MKRN1: variants seen among roughly 807,000 people sequenced by gnomAD.
MKRN1 encodes the protein E3 ubiquitin-protein ligase makorin-1.
MKRN1 carries 9 observed loss-of-function variants against 55.5 expected under a neutral mutation model. The observed-to-expected ratio is 0.16, with a 90% CI of 0.10 to 0.28. The LOEUF (loss-of-function observed/expected upper bound fraction) is 0.28. MKRN1 is among the 10% of genes least tolerant of loss of function. MKRN1 has a pLI of 1.00. For synonymous variants in MKRN1, 253 were observed against 235.9 expected (o/e 1.07, Z -0.66); for missense variants, 488 against 626.7 (o/e 0.78, Z 2.36).
At chr7:140,462,381 CAT>C (rs1211299777) in intron 2 of MKRN1, among the ~76,000 whole-genome samples, 1 of 152,146 alleles carries the variant, frequency 6.6e-6, no homozygotes, top group Admixed American at 6.6e-5. Context: ...AACTGTGCTA[CAT>C]AATTTATAGT....
chr7:140,478,715 G>A (rs1336804294), intron 1 of MKRN1: 2 of 153,380 alleles, frequency 1.3e-5, no homozygotes, highest in African/African-American at 4.8e-5. Flanking sequence ...GGCCCTCGGC[G>A]GGGTGTCTAG....
chr7:140,456,948 A>G (rs779286510), intron 4 of MKRN1, 82 bp from the exon 5 acceptor site: 3 of 1,336,644 alleles, frequency 2.2e-6, no homozygotes, highest in Middle Eastern at 1.8e-4. Context: ...ATTCACAGTC[A>G]AAGAATCAAA....
In MKRN1 at chr7:140,454,419, G is replaced by A. The variant is rs1398086139; in HGVS notation, c.*98C>T. ...TTCTTAGGACAGCACCTGGAGTTGA[G>A]AGGCCTGCCTAGGAGAGAACACAGG... On this transcript the variant is annotated 3_prime_UTR_variant, in exon 8 of 8. Transcript: ENST00000255977. The A allele has an allele frequency of 1.0e-5, 12 of 1,197,984 alleles. No homozygotes were observed. The East Asian group carries it at 2.8e-4, about 28-fold the overall frequency. The allele number at this position is 1,197,984 out of a possible 1,614,324, so 74.2% of individuals were successfully genotyped here.
At chr7:140,456,113 CTTTTT>C in intron 5 of MKRN1, 1 of 845,230 alleles carries the variant, frequency 1.2e-6, no homozygotes, top group Non-Finnish European at 1.5e-6. Context: ...CTAGCCAGTT[CTTTTT>C]TTTTTTTTTT....
rs1563084298 is a variant in MKRN1, at chr7:140,453,667, A to G, written c.*850T>C. On this transcript the variant is annotated 3_prime_UTR_variant, in exon 8 of 8. Coordinates refer to ENST00000255977, the MANE Select transcript of MKRN1 (RefSeq NM_013446.4). Reference sequence around the variant, plus strand: ...CAGAGCTAGCACTGCTATATTGACAACTACCAATATACTGCTTTGCCCTTT... The same window carrying G: ...CAGAGCTAGCACTGCTATATTGACAGCTACCAATATACTGCTTTGCCCTTT... 2 of 152,292 alleles carry G rather than the reference A, an allele frequency of 1.3e-5. No individual in the cohort carries two copies. Among genetic ancestry groups the G allele is most frequent in the Admixed American group, 6.5e-5 (1 of 15,276 alleles). The allele number at this position is 152,292 out of a possible 1,614,324, so 9.4% of individuals were successfully genotyped here.
chr7:140,474,920 T>C (rs2130364801), intron 1 of MKRN1, among the ~76,000 whole-genome samples: 1 of 152,104 alleles, frequency 6.6e-6, no homozygotes, highest in South Asian at 2.1e-4. Context: ...GGTTTCGTCA[T>C]GTTGGCCAGG....
At chr7:140,463,692 T>C (rs1053628423) in intron 2 of MKRN1, among the ~76,000 whole-genome samples, 19 of 151,974 alleles carry the variant, frequency 1.3e-4, no homozygotes, top group South Asian at 2.1e-4. Flanking sequence ...GAGACCATCC[T>C]GGCTAACACG....
chr7:140,460,268 G>T (rs1337384528), intron 2 of MKRN1: 12 of 187,858 alleles, frequency 6.4e-5, no homozygotes, highest in East Asian at 1.5e-4. Context: ...AAAAAAAAAA[G>T]TAAGCACTCA....
chr7:140,469,819 G>A (rs1447768892), intron 2 of MKRN1, among the ~76,000 whole-genome samples: 6 of 152,182 alleles, frequency 3.9e-5, no homozygotes, highest in Admixed American at 2.6e-4. Context: ...AGCACTTTGG[G>A]AGGCTGGTGT....
At chr7:140,474,437 TGG>T in intron 1 of MKRN1, 1 of 361,968 alleles carries the variant, frequency 2.8e-6, no homozygotes, top group South Asian at 2.0e-5. Context: ...CGCAGTGGGT[TGG>T]GGGGGGCCCA....
chr7:140,463,356 C>T (rs1443883473), intron 2 of MKRN1, among the ~76,000 whole-genome samples: 8 of 152,164 alleles, frequency 5.3e-5, no homozygotes, highest in Admixed American at 3.9e-4. Flanking sequence ...TCTAATGGGA[C>T]TCTAAAGCTG....
intron 1 of MKRN1, 74 bp downstream of exon 1, chr7:140,479,086 T>C (rs1349443586): frequency 8.0e-7 from 1 of 1,245,356 alleles, no homozygotes; most frequent in Non-Finnish European, 1.0e-6. Flanking sequence ...CCGGCCGCCC[T>C]CCTCCCTCCC....
intron 2 of MKRN1, among the ~76,000 whole-genome samples, chr7:140,463,538 G>T (rs1794679899): frequency 6.6e-6 from 1 of 152,226 alleles, no homozygotes; most frequent in Non-Finnish European, 1.5e-5. Flanking sequence ...AGTACTGCAT[G>T]AAGTTCTACT....
chr7:140,475,301 C>T (rs10274673), intron 1 of MKRN1: 4,724 of 408,404 alleles, frequency 0.012, 207 homozygotes, highest in African/African-American at 0.089. Context: ...CGAGATCGTG[C>T]CACTGCACTC....
intron 1 of MKRN1, chr7:140,475,321 C>T (rs749849007): frequency 3.7e-5 from 14 of 380,236 alleles, no homozygotes; most frequent in South Asian, 5.5e-5. Context: ...CCAGCTTGGG[C>T]GACACAGACT....
At chr7:140,473,551 C>G (rs1023370195) in intron 1 of MKRN1, among the ~76,000 whole-genome samples, 1 of 152,202 alleles carries the variant, frequency 6.6e-6, no homozygotes, top group African/African-American at 2.4e-5. Context: ...ATCAATTCAT[C>G]TGCAGTGACA....
chr7:140,466,825 AAAAAAAAAG>A (rs2130310084), intron 2 of MKRN1, among the ~76,000 whole-genome samples: 1 of 132,224 alleles, frequency 7.6e-6, no homozygotes, highest in South Asian at 2.2e-4. Context: ...AAAAAAAAAA[AAAAAAAAAG>A]AATAAAAAAA....
chr7:140,458,602 C>T (rs1169064189), intron 4 of MKRN1, among the ~76,000 whole-genome samples: 4 of 152,070 alleles, frequency 2.6e-5, no homozygotes, highest in African/African-American at 7.2e-5. Context: ...ATACTAAAAA[C>T]CAATGAAATG....
intron 1 of MKRN1, among the ~76,000 whole-genome samples, chr7:140,477,757 T>C (rs1040443737): frequency 3.9e-5 from 6 of 152,212 alleles, no homozygotes; most frequent in African/African-American, 1.4e-4. Context: ...CACGCCGACC[T>C]AGCCACCCCG....
Sources: allele counts gnomAD v4.1 joint callset (sites outside exome capture counted in the v4.1 genomes callset), GRCh38; gene constraint gnomAD v4.1.1; transcripts MANE v1.5; gene names NCBI Gene and HGNC (gene_info 2026-07-23, HGNC 2026-07-21).